Variants in LTBP1 observed in about 807,000 individuals in gnomAD.
LTBP1 encodes latent-transforming growth factor beta-binding protein 1.
LTBP1 carries 129 observed loss-of-function variants against 207.6 expected under a neutral mutation model. The observed-to-expected ratio is 0.62, with a 90% CI of 0.54 to 0.72. The LOEUF (loss-of-function observed/expected upper bound fraction) is 0.72. Ranked by LOEUF, LTBP1 falls within the 30% of genes least tolerant of loss-of-function variation. The pLI, the probability that LTBP1 is intolerant of heterozygous loss-of-function variation, is 0.00. For synonymous variants in LTBP1, 963 were observed against 833.7 expected, an observed-to-expected ratio of 1.16 and a Z score of -2.67; for missense variants, 2,281 against 2,217.2, an observed-to-expected ratio of 1.03 and a Z score of -0.58.
chr2:33,013,878 GCATTAAA>G (rs145732600), intron 2 of LTBP1, among the ~76,000 whole-genome samples: 7,867 of 152,148 alleles, frequency 0.052, 514 homozygotes, highest in East Asian at 0.28. Flanking sequence ...TGACATAAAG[GCATTAAA>G]CTCCTGAATG....
intron 20 of LTBP1, among the ~76,000 whole-genome samples, chr2:33,294,186 G>A (rs2093828898): frequency 6.7e-6 from 1 of 150,152 alleles, no homozygotes; most frequent in African/African-American, 2.4e-5. Flanking sequence ...TTGTTTGTTT[G>A]TTTGTTTCTT....
At chr2:32,948,000 C>T (rs962007704) in intron 1 of LTBP1, among the ~76,000 whole-genome samples, 182 bp downstream of exon 1, 1 of 152,192 alleles carries the variant, frequency 6.6e-6, no homozygotes. Context: ...TGCGGGGAAG[C>T]CCAGGAACTT....
chr2:33,139,760 C>T (rs2082491102), intron 5 of LTBP1, among the ~76,000 whole-genome samples: 1 of 147,260 alleles, frequency 6.8e-6, no homozygotes, highest in Non-Finnish European at 1.5e-5. Context: ...GAAGAATTTA[C>T]CCCCCTAGAA....
intron 19 of LTBP1, among the ~76,000 whole-genome samples, chr2:33,289,443 T>G (rs2093730862): frequency 6.6e-6 from 1 of 152,186 alleles, no homozygotes; most frequent in Non-Finnish European, 1.5e-5. Context: ...CACTGCAGTC[T>G]CTAACTCCTG....
chr2:33,257,494 G>A lies in LTBP1; in HGVS notation c.2378G>A (p.Gly793Glu), dbSNP rs1336000289. 6.2e-7 allele frequency: 1 copy of A among 1,614,084 alleles called. No individual in the cohort carries two copies. Among genetic ancestry groups the A allele is most frequent in the Non-Finnish European group, 8.5e-7 (1 of 1,179,936 alleles). ...ACCTTCTCCCGGGAACACGGGCCAGGAGTGGCGGAGCCAGAAGGTGAGAGC... is the reference window on the plus strand; with the variant it reads ...ACCTTCTCCCGGGAACACGGGCCAGAAGTGGCGGAGCCAGAAGGTGAGAGC... Reference protein sequence around the residue: ...ALTFSREHGPGVAEPEVATAP... With the variant: ...ALTFSREHGPEVAEPEVATAP... The change falls in exon 12 of 34, where the codon GGA becomes GAA. Residue 793 changes from glycine to glutamate, a missense_variant. Gly to Glu is a moderately conservative substitution (Grantham distance 98). Around this residue, in one of 3 missense-constraint regions of LTBP1, gnomAD observed 1,671 missense variants for 1,634.8 expected, o/e 1.02. Transcript: ENST00000404816.
intron 24 of LTBP1, among the ~76,000 whole-genome samples, chr2:33,333,740 T>C (rs548849781): frequency 6.6e-5 from 10 of 152,116 alleles, no homozygotes; most frequent in African/African-American, 2.4e-4. Flanking sequence ...CCATAGGGAA[T>C]TGGATCAAGT....
Position 33,160,437 on chromosome 2 carries a change from C to T in LTBP1, c.1201+25477C>T, listed in dbSNP as rs894008356. Among the ~76,000 whole-genome samples, 7 of 152,264 alleles carry T rather than the reference C, an allele frequency of 4.6e-5. No homozygotes were observed. In the East Asian group the frequency reaches 7.7e-4, roughly 17 times the overall value. ...GGAATGTTTTGATTGATTGTGTCAG[C>T]GTCCTTGGGTGGCCCTTCCAGGAGC... On this transcript the variant is annotated intron_variant, in intron 5 of 33. Coordinates refer to ENST00000404816, the MANE Select transcript of LTBP1 (RefSeq NM_206943.4).
chr2:33,052,736 A>G (rs1290760071), intron 3 of LTBP1, among the ~76,000 whole-genome samples: 2 of 152,136 alleles, frequency 1.3e-5, no homozygotes. Flanking sequence ...GTATTTATTT[A>G]ATCGTTTAGT....
chr2:33,370,799 G>A (rs1447164400), intron 31 of LTBP1, among the ~76,000 whole-genome samples: 1 of 152,170 alleles, frequency 6.6e-6, no homozygotes, highest in Non-Finnish European at 1.5e-5. Context: ...CTGCTTTGGG[G>A]AACAATTCGT....
At chr2:33,393,228 CTTCTTCTTT>C (rs1447332657) in intron 32 of LTBP1, among the ~76,000 whole-genome samples, 1 of 71,012 alleles carries the variant, frequency 1.4e-5, no homozygotes, top group African/African-American at 5.7e-5. Flanking sequence ...TTGTTTCCTT[CTTCTTCTTT>C]TTTTTTTTTT....
intron 2 of LTBP1, among the ~76,000 whole-genome samples, chr2:32,951,792 C>G (rs1478841938): frequency 6.6e-6 from 1 of 152,228 alleles, no homozygotes; most frequent in East Asian, 1.9e-4. Flanking sequence ...CAAGTAAATT[C>G]TATCTCCTTT....
intron 7 of LTBP1, among the ~76,000 whole-genome samples, chr2:33,208,487 G>A (rs930298366): frequency 9.9e-5 from 15 of 152,206 alleles, no homozygotes; most frequent in African/African-American, 3.6e-4. Context: ...ATGACGTAGG[G>A]TGAGGAAAAG....
In LTBP1 at chr2:33,239,902, TTAAATAAA is replaced by T. The variant is rs56284447; in HGVS notation, c.1877-3731_1877-3724del. Among the ~76,000 whole-genome samples, 184 of 144,252 alleles carry T rather than the reference TTAAATAAA, an allele frequency of 1.3e-3. 1 individual carries two copies. The East Asian group carries it at 0.023, about 18-fold the overall frequency. The allele number at this position is 144,252 out of a possible 152,430, so 94.6% of individuals were successfully genotyped here. ...CTGTGTGACAGAGTAAGACTCCATC[TTAAATAAA>T]TAAATAAATAAATAAATAAATAAAT... On this transcript the variant is annotated intron_variant, in intron 9 of 33. Coordinates refer to ENST00000404816, the MANE Select transcript of LTBP1 (RefSeq NM_206943.4).
chr2:33,209,890 G>A (rs10048782), intron 7 of LTBP1, among the ~76,000 whole-genome samples: 1 of 152,152 alleles, frequency 6.6e-6, no homozygotes. Context: ...CCACTCAAGA[G>A]CTCCATGAAA....
At chr2:33,041,791 C>G (rs926653170) in intron 3 of LTBP1, among the ~76,000 whole-genome samples, 1 of 152,142 alleles carries the variant, frequency 6.6e-6, no homozygotes, top group African/African-American at 2.4e-5. Flanking sequence ...CCCTCTGTCT[C>G]TCTCTTGCTC....
intron 31 of LTBP1, among the ~76,000 whole-genome samples, chr2:33,387,077 C>A (rs1007100079): frequency 6.6e-6 from 1 of 152,090 alleles, no homozygotes; most frequent in Non-Finnish European, 1.5e-5. Flanking sequence ...ATCCACCCAC[C>A]TTGACCTGCG....
At chr2:33,182,247 G>A (rs2086714536) in intron 5 of LTBP1, among the ~76,000 whole-genome samples, 1 of 152,060 alleles carries the variant, frequency 6.6e-6, no homozygotes, top group African/African-American at 2.4e-5. Flanking sequence ...CTGTGTGGAG[G>A]TTATCTCAGG....
At position 33,275,751 on chromosome 2, in the gene LTBP1, GA is replaced by G. The variant is rs375997099; in HGVS notation, c.2870-47del. On this transcript the variant is annotated intron_variant, in intron 17 of 33. Transcript: ENST00000404816. ...CTAAGCTGGGAGATGGGAGAGGTTT[GA>G]AACAGTATTTGGAACACAAAACTCA... The G allele has an allele frequency of 1.9e-4, 307 of 1,610,110 alleles. 1 individual carries two copies. The East Asian group carries it at 4.8e-3, about 25-fold the overall frequency.
chr2:33,078,452 A>G (rs901014322), intron 3 of LTBP1, among the ~76,000 whole-genome samples: 1 of 152,234 alleles, frequency 6.6e-6, no homozygotes, highest in African/African-American at 2.4e-5. Context: ...TAATAATGTG[A>G]CCAGAACCAC....
Sources: gnomAD v4.1 joint callset for allele counts (sites outside exome capture counted in the v4.1 genomes callset) on GRCh38, gnomAD v4.1.1 for gene constraint, gnomAD v4.1.1 regional missense constraint, MANE v1.5 for transcripts, NCBI Gene and HGNC (gene_info 2026-07-23, HGNC 2026-07-21) for gene names.